LRMDA: variants seen among roughly 807,000 people sequenced by gnomAD.
LRMDA encodes leucine rich melanocyte differentiation associated.
LRMDA carries 18 observed loss-of-function variants against 29.8 expected under a neutral mutation model. That is an observed-to-expected ratio of 0.60 (90% CI 0.42 to 0.90). The LOEUF (loss-of-function observed/expected upper bound fraction) is 0.90. Ranked by LOEUF, LRMDA falls within the 40% of genes least tolerant of loss-of-function variation. The probability of loss-of-function intolerance (pLI) is 0.00; values close to 1 mark genes in which losing one functional copy is unlikely to be tolerated. For missense variants in LRMDA, 273 were observed against 273.9 expected (o/e 1.00, Z 0.02); for synonymous variants, 125 against 109.4 (o/e 1.14, Z -0.89).
chr10:75,511,932 C>A (rs1313206351), intron 2 of LRMDA, among the ~76,000 whole-genome samples: 9 of 152,202 alleles, frequency 5.9e-5, no homozygotes, highest in African/African-American at 1.9e-4. Context: ...CTTTCATCTG[C>A]TCCAGCAAGC....
chr10:75,692,334 T>C (rs1041127451), intron 2 of LRMDA, among the ~76,000 whole-genome samples: 1 of 147,416 alleles, frequency 6.8e-6, no homozygotes, highest in Non-Finnish European at 1.5e-5. Flanking sequence ...TGTATATATA[T>C]GTATATGTAT....
chr10:76,159,818 T>C lies in LRMDA; in HGVS notation c.516+101035T>C, dbSNP rs138531495. ...GTATGATTCTAGCTATATGTCATTC[T>C]AGAAAAGGCAAAACTATAGAGAGAG... On this transcript the variant is annotated intron_variant, in intron 5 of 6. Transcript: ENST00000611255. Among the ~76,000 whole-genome samples, 9 of 152,284 alleles carry C rather than the reference T, an allele frequency of 5.9e-5. No homozygotes were observed. The East Asian group carries it at 1.5e-3, about 26-fold the overall frequency.
intron 5 of LRMDA, among the ~76,000 whole-genome samples, chr10:76,182,977 G>C (rs1034141113): frequency 6.6e-6 from 1 of 152,166 alleles, no homozygotes; most frequent in Non-Finnish European, 1.5e-5. Flanking sequence ...CTTCTTCCCA[G>C]TCAGACATCA....
chr10:75,900,628 C>T (rs569504986), intron 2 of LRMDA, among the ~76,000 whole-genome samples: 1 of 152,202 alleles, frequency 6.6e-6, no homozygotes, highest in African/African-American at 2.4e-5. Context: ...GCAGCATGCC[C>T]CTGGAGGGGT....
chr10:76,027,268 G>A (rs750348186), intron 2 of LRMDA, among the ~76,000 whole-genome samples: 1 of 152,172 alleles, frequency 6.6e-6, no homozygotes, highest in Non-Finnish European at 1.5e-5. Context: ...TGCTTCTGTG[G>A]TGGTCACTGG....
At chr10:75,533,053 G>A (rs2132044200) in intron 2 of LRMDA, among the ~76,000 whole-genome samples, 1 of 152,258 alleles carries the variant, frequency 6.6e-6, no homozygotes, top group East Asian at 1.9e-4. Context: ...CTCAAAGAAT[G>A]CATTTTATAG....
intron 6 of LRMDA, among the ~76,000 whole-genome samples, chr10:76,478,949 A>G (rs1190736008): frequency 6.6e-6 from 1 of 151,786 alleles, no homozygotes; most frequent in Non-Finnish European, 1.5e-5. Context: ...CCTAATGTAA[A>G]TGACTAGTTA....
intron 6 of LRMDA, among the ~76,000 whole-genome samples, chr10:76,538,391 G>A (rs1843313059): frequency 1.3e-5 from 2 of 150,030 alleles, no homozygotes; most frequent in Admixed American, 6.7e-5. Context: ...TTACCAAAAA[G>A]TAGCTGAGTT....
chr10:75,825,935 A>G (rs576162172), intron 2 of LRMDA, among the ~76,000 whole-genome samples: 2 of 152,330 alleles, frequency 1.3e-5, no homozygotes, highest in East Asian at 3.9e-4. Context: ...CTGCATGTGG[A>G]ACGTCAAAGT....
At chr10:75,894,567 A>T (rs1370371256) in intron 2 of LRMDA, among the ~76,000 whole-genome samples, 1 of 152,230 alleles carries the variant, frequency 6.6e-6, no homozygotes, top group Non-Finnish European at 1.5e-5. Flanking sequence ...CCAAAAGTAG[A>T]TCTACCCCCA....
intron 5 of LRMDA, among the ~76,000 whole-genome samples, chr10:76,246,066 A>G (rs984918958): frequency 6.6e-6 from 1 of 152,194 alleles, no homozygotes; most frequent in Admixed American, 6.5e-5. Flanking sequence ...ATTGACGAGG[A>G]AGCTGAGACA....
chr10:75,800,213 A>T (rs1032050667), intron 2 of LRMDA, among the ~76,000 whole-genome samples: 1 of 152,186 alleles, frequency 6.6e-6, no homozygotes, highest in East Asian at 1.9e-4. Flanking sequence ...GATTATCATC[A>T]TGAAACACCA....
At position 76,184,756 on chromosome 10, in the gene LRMDA, C is replaced by T. The variant is rs142458437; in HGVS notation, c.516+125973C>T. On this transcript the variant is annotated intron_variant, in intron 5 of 6. Transcript: ENST00000611255. ...AAGCTATTCCCTCCTTTAACATTCC[C>T]GCTGTCTTCTTTTCCCCCAGTACGT... 9.0e-4 allele frequency among the ~76,000 whole-genome samples: 137 copies of T among 152,242 alleles called. No individual in the cohort carries two copies. In the East Asian group the frequency reaches 0.011, roughly 12 times the overall value.
At chr10:76,438,280 T>A (rs944806065) in intron 6 of LRMDA, among the ~76,000 whole-genome samples, 2 of 152,304 alleles carry the variant, frequency 1.3e-5, no homozygotes, top group South Asian at 4.1e-4. Context: ...TTATGGTTGA[T>A]TGAGCTTTAT....
At chr10:76,223,103 G>C (rs1019356286) in intron 5 of LRMDA, among the ~76,000 whole-genome samples, 47 of 150,364 alleles carry the variant, frequency 3.1e-4, no homozygotes, top group Admixed American at 1.9e-3. Context: ...ACATCACACT[G>C]TGGGGACTGT....
intron 2 of LRMDA, among the ~76,000 whole-genome samples, chr10:75,551,160 A>G (rs1840138329): frequency 6.9e-6 from 1 of 145,774 alleles, no homozygotes; most frequent in African/African-American, 2.6e-5. Flanking sequence ...GCAGTCAGCT[A>G]TCTTTTTTTT....
intron 5 of LRMDA, among the ~76,000 whole-genome samples, chr10:76,087,396 TA>T (rs1849154921): frequency 2.0e-5 from 3 of 152,212 alleles, no homozygotes; most frequent in African/African-American, 7.2e-5. Flanking sequence ...GCCCTGACAT[TA>T]ATTTTATGCC....
At chr10:76,028,325 A>C (rs1848094799) in intron 2 of LRMDA, among the ~76,000 whole-genome samples, 1 of 152,170 alleles carries the variant, frequency 6.6e-6, no homozygotes, top group African/African-American at 2.4e-5. Context: ...GTTTTCCTTA[A>C]TGATTTATAA....
At position 75,771,855 on chromosome 10, in the gene LRMDA, G is replaced by A. The variant is rs183418654; in HGVS notation, c.132-264153G>A. The stretch of plus-strand genomic sequence containing the variant: ...CAGGTTGGGCAAGAAGCTGAGACTG[G>A]GAGAGGGATTCAGCCCGTCTTGCAG... On this transcript the variant is annotated intron_variant, in intron 2 of 6. Transcript: ENST00000611255. Among the ~76,000 whole-genome samples the A allele has an allele frequency of 2.9e-3, 449 of 152,226 alleles. 3 individuals are homozygous for A. The highest frequency in any genetic ancestry group is 0.01 in the African/African-American group (422 of 41,526).
Sources: allele counts gnomAD v4.1 joint callset (sites outside exome capture counted in the v4.1 genomes callset), GRCh38; gene constraint gnomAD v4.1.1; transcripts MANE v1.5; gene names NCBI Gene and HGNC (gene_info 2026-07-23, HGNC 2026-07-21).